Variants in GRID1 observed in about 807,000 individuals in gnomAD.
GRID1 encodes glutamate ionotropic receptor delta type subunit 1.
In GRID1, 28 loss-of-function variants were observed where a neutral mutation model predicts 98.0. That is an observed-to-expected ratio of 0.29 (90% confidence interval 0.21 to 0.39). The LOEUF is 0.39. Ranked by LOEUF, GRID1 falls within the 10% of genes least tolerant of loss-of-function variation. The probability of loss-of-function intolerance (pLI) is 1.00; values close to 1 mark genes in which losing one functional copy is unlikely to be tolerated. For missense variants in GRID1, 1,111 were observed against 1,340.5 expected (o/e 0.83, Z 2.67); for synonymous variants, 553 against 538.5 (o/e 1.03, Z -0.37).
chr10:85,698,948 A>C (rs2132619898), intron 12 of GRID1, among the ~76,000 whole-genome samples: 1 of 152,272 alleles, frequency 6.6e-6, no homozygotes, highest in East Asian at 1.9e-4. Context: ...ATCTTTGATA[A>C]GGTGTCTGTT....
intron 4 of GRID1, among the ~76,000 whole-genome samples, chr10:85,925,467 C>T (rs1841761903): frequency 1.3e-5 from 2 of 152,302 alleles, no homozygotes; most frequent in South Asian, 2.1e-4. Flanking sequence ...TCTCATGACT[C>T]GGTCCCTGAG....
intron 12 of GRID1, among the ~76,000 whole-genome samples, chr10:85,690,918 T>C (rs934980678): frequency 6.6e-6 from 1 of 152,272 alleles, no homozygotes; most frequent in East Asian, 1.9e-4. Context: ...TGGAATAGTT[T>C]TCTAATTGAA....
chr10:85,891,175 C>T (rs1430339249), intron 5 of GRID1, among the ~76,000 whole-genome samples: 8 of 152,140 alleles, frequency 5.3e-5, no homozygotes, highest in Non-Finnish European at 1.0e-4. Context: ...TTATGTTTCA[C>T]ATTAACACCT....
chr10:86,000,650 T>C (rs542066986), intron 4 of GRID1, among the ~76,000 whole-genome samples: 1 of 152,292 alleles, frequency 6.6e-6, no homozygotes, highest in South Asian at 2.1e-4. Flanking sequence ...TTAACAACAG[T>C]GCAAAAGCAA....
chr10:86,154,817 C>G (rs79969967), intron 3 of GRID1, among the ~76,000 whole-genome samples: 4 of 152,198 alleles, frequency 2.6e-5, no homozygotes, highest in African/African-American at 9.7e-5. Flanking sequence ...GCACACACCT[C>G]TGCTCGCTGC....
intron 2 of GRID1, among the ~76,000 whole-genome samples, chr10:86,217,670 C>T (rs1846195689): frequency 6.6e-6 from 1 of 152,180 alleles, no homozygotes; most frequent in Non-Finnish European, 1.5e-5. Context: ...TAAGCAACAC[C>T]TCGTAAGCAA....
intron 8 of GRID1, among the ~76,000 whole-genome samples, chr10:85,763,263 G>T (rs1842166420): frequency 6.6e-6 from 1 of 152,098 alleles, no homozygotes; most frequent in African/African-American, 2.4e-5. Flanking sequence ...ACACCCATCT[G>T]CCCAAGGATG....
intron 8 of GRID1, among the ~76,000 whole-genome samples, chr10:85,732,187 G>A (rs1346262230): frequency 6.6e-6 from 1 of 152,134 alleles, no homozygotes. Flanking sequence ...CCAGGTGCTG[G>A]AGCTGCTTAG....
rs554242099 is a variant in GRID1 at position 86,200,040 on chromosome 10, T to C, written c.520+6324A>G. 2.1e-3 allele frequency among the ~76,000 whole-genome samples: 316 copies of C among 152,048 alleles called. 6 individuals carry two copies. Among genetic ancestry groups the C allele is most frequent in the Non-Finnish European group, 2.9e-4 (20 of 67,918 alleles). The stretch of plus-strand genomic sequence containing the variant: ...TCTTATCCCTAGCCAATTCCCATAT[T>C]CCAGCCATATGATCTTTCCTCCTCT... On this transcript the variant is annotated intron_variant, in intron 3 of 15. Coordinates refer to ENST00000327946, the MANE Select transcript of GRID1 (RefSeq NM_017551.3).
At chr10:86,257,415 A>G (rs142099121) in intron 2 of GRID1, among the ~76,000 whole-genome samples, 483 of 152,374 alleles carry the variant, frequency 3.2e-3, no homozygotes, top group Non-Finnish European at 4.6e-3. Context: ...CCAATGGGCC[A>G]TAATGAGCAA....
chr10:85,602,344 TG>T lies in GRID1; in HGVS notation c.2958del (p.Met987CysfsTer43). On this transcript the variant is annotated frameshift_variant, in exon 16 of 16. Coordinates refer to ENST00000327946, the MANE Select transcript of GRID1 (RefSeq NM_017551.3). LOFTEE classifies it high-confidence loss of function. The part of the protein sequence containing the change: ...FRQSPVKTPI[P>X]MSFQPVPGGV... The stretch of plus-strand genomic sequence containing the variant: ...CCTCCAGGCACGGGCTGGAAGGACA[TG>T]GGGATGGGGGTCTTCACCGGGCTCT... 6.3e-7 allele frequency: 1 copy of T among 1,583,512 alleles called. No individual in the cohort carries two copies.
At chr10:86,039,884 A>C (rs1806292) in intron 4 of GRID1, among the ~76,000 whole-genome samples, 12,197 of 152,270 alleles carry the variant, frequency 0.08, 578 homozygotes, top group East Asian at 0.15. Context: ...GGTATAAATA[A>C]TTAGCCCTTG....
intron 8 of GRID1, among the ~76,000 whole-genome samples, chr10:85,822,623 G>A (rs1449261673): frequency 1.5e-4 from 23 of 152,256 alleles, no homozygotes; most frequent in East Asian, 5.8e-4. Flanking sequence ...TGTGGAAGTC[G>A]GTGTGGCGAT....
intron 4 of GRID1, among the ~76,000 whole-genome samples, chr10:86,040,621 AGTACATT>A (rs763997870): frequency 1.3e-4 from 19 of 151,992 alleles, no homozygotes; most frequent in Non-Finnish European, 1.9e-4. Context: ...TTGGCCAATG[AGTACATT>A]GTTAACGTTT....
intron 4 of GRID1, among the ~76,000 whole-genome samples, chr10:85,935,612 G>C (rs1297795226): frequency 1.3e-5 from 2 of 152,158 alleles, no homozygotes; most frequent in Non-Finnish European, 2.9e-5. Flanking sequence ...TGGCAAAAGA[G>C]CCATGGGGAC....
intron 12 of GRID1, among the ~76,000 whole-genome samples, chr10:85,691,812 C>T (rs1841336118): frequency 6.6e-6 from 1 of 152,204 alleles, no homozygotes; most frequent in Non-Finnish European, 1.5e-5. Flanking sequence ...TGGCTGTTTT[C>T]CAAGACACTT....
chr10:86,279,700 G>T (rs188291452), intron 2 of GRID1, among the ~76,000 whole-genome samples: 1 of 152,162 alleles, frequency 6.6e-6, no homozygotes, highest in African/African-American at 2.4e-5. Flanking sequence ...CAGAAAAAAG[G>T]ATGTTCACTG....
intron 5 of GRID1, among the ~76,000 whole-genome samples, chr10:85,903,073 C>G (rs1483433952): frequency 2.6e-5 from 4 of 152,092 alleles, no homozygotes; most frequent in African/African-American, 9.7e-5. Flanking sequence ...GGTTCAATAT[C>G]CCCTATATGC....
intron 3 of GRID1, among the ~76,000 whole-genome samples, chr10:86,166,366 C>A (rs1370903261): frequency 6.6e-6 from 1 of 152,072 alleles, no homozygotes; most frequent in African/African-American, 2.4e-5. Flanking sequence ...AAAATCAACC[C>A]CATCAAAAAG....
Sources: allele counts gnomAD v4.1 joint callset (sites outside exome capture counted in the v4.1 genomes callset), GRCh38; gene constraint gnomAD v4.1.1; transcripts MANE v1.5; gene names NCBI Gene and HGNC (gene_info 2026-07-23, HGNC 2026-07-21).